The following OSBPL2 variants were observed in gnomAD, a reference collection of about 807,000 sequenced individuals.
OSBPL2 encodes the protein oxysterol-binding protein-related protein 2.
OSBPL2 carries 18 observed loss-of-function variants against 58.4 expected under a neutral mutation model. The ratio of observed to expected loss-of-function variants is 0.31; its 90% CI spans 0.21 to 0.46. The LOEUF (loss-of-function observed/expected upper bound fraction) is 0.46. Ranked by LOEUF, OSBPL2 falls within the 20% of genes least tolerant of loss-of-function variation. The pLI, the probability that OSBPL2 is intolerant of heterozygous loss-of-function variation, is 1.00. For synonymous variants in OSBPL2, 221 were observed against 234.1 expected (o/e 0.94, Z 0.51); for missense variants, 461 against 616.5 (o/e 0.75, Z 2.67).
intron 4 of OSBPL2, among the ~76,000 whole-genome samples, chr20:62,268,049 ATTT>A (rs149417240): frequency 3.4e-5 from 4 of 116,184 alleles, no homozygotes; most frequent in Non-Finnish European, 5.3e-5. Flanking sequence ...TGCCCGGCTA[ATTT>A]TTTTTTTTTT....
At chr20:62,291,985 G>C (rs931251484) in intron 13 of OSBPL2, among the ~76,000 whole-genome samples, 192 bp downstream of exon 13, 2 of 151,008 alleles carry the variant, frequency 1.3e-5, no homozygotes, top group Admixed American at 1.3e-4. Flanking sequence ...GCTCCATTAA[G>C]GTAGTGACAC....
At chr20:62,250,501 C>T (rs984212665) in intron 1 of OSBPL2, among the ~76,000 whole-genome samples, 11 of 152,194 alleles carry the variant, frequency 7.2e-5, no homozygotes, top group African/African-American at 2.4e-4. Context: ...CAGGCGACAT[C>T]GGTGTCTCAG....
At chr20:62,279,802 T>C (rs529646041) in intron 7 of OSBPL2, 119 of 318,614 alleles carry the variant, frequency 3.7e-4, no homozygotes, top group African/African-American at 2.6e-3. Context: ...GCTCCCCTTC[T>C]GGGCTGCTTG....
At chr20:62,280,607 G>A (rs1982716310) in intron 7 of OSBPL2, among the ~76,000 whole-genome samples, 1 of 152,194 alleles carries the variant, frequency 6.6e-6, no homozygotes, top group Admixed American at 6.6e-5. Flanking sequence ...TCTTGGGCAG[G>A]GCCATTTGGG....
Position 62,295,447 on chromosome 20 carries a change from C to T in OSBPL2, c.*1560C>T, listed in dbSNP as rs940219209. ...CGTGTGTCTTGGCGTCCACATCACA[C>T]CTGTGACGGAAGCACTTCTGGAAGT... On this transcript the variant is annotated 3_prime_UTR_variant, in exon 14 of 14. Coordinates refer to ENST00000313733, the MANE Select transcript of OSBPL2 (RefSeq NM_144498.4). The surrounding 1 kb of genome is among the most constrained non-coding windows in gnomAD (Gnocchi z 4.8). The T allele has an allele frequency of 6.6e-6, 1 of 152,184 alleles. No homozygotes were observed. The highest frequency in any genetic ancestry group is 1.5e-5 in the Non-Finnish European group (1 of 68,044). The allele number at this position is 152,184 out of a possible 1,614,324, so 9.4% of individuals were successfully genotyped here.
chr20:62,265,124 G>A (rs1029205797), intron 4 of OSBPL2, among the ~76,000 whole-genome samples: 5 of 152,032 alleles, frequency 3.3e-5, no homozygotes, highest in African/African-American at 1.2e-4. Context: ...TCCATTGGTG[G>A]GTTTTACTGA....
chr20:62,291,474 A>G (rs1601205860), intron 12 of OSBPL2: 3 of 556,090 alleles, frequency 5.4e-6, no homozygotes, highest in Non-Finnish European at 9.9e-6. Flanking sequence ...CACGCAGCAC[A>G]TGCAGCCCCC....
At position 62,281,697 on chromosome 20, in the gene OSBPL2, C is replaced by G. The variant is rs1166357748; in HGVS notation, c.783-93C>G. 3.4e-6 allele frequency: 3 copies of G among 891,188 alleles called. No homozygotes were observed. In the African/African-American group the frequency reaches 4.9e-5, roughly 15 times the overall value. 55.2% of individuals were successfully genotyped at this position (891,188 alleles called of 1,614,324 possible). On this transcript the variant is annotated intron_variant, in intron 8 of 13. Transcript: ENST00000313733. ...ATTTGCAGTCACCCCCCGCCTGCCC[C>G]AGGGGCCTCCACCGCGCTTCTCCTG...
chr20:62,279,836 G>A (rs369724751), intron 7 of OSBPL2: 5 of 549,358 alleles, frequency 9.1e-6, no homozygotes, highest in Non-Finnish European at 1.2e-5. Flanking sequence ...CCTCCCACAG[G>A]GGGAGAGAGC....
rs1289695982 is a variant in OSBPL2 at position 62,256,066 on chromosome 20, G to A, written c.-119G>A. The A allele has an allele frequency of 8.1e-6, 10 of 1,227,806 alleles. No homozygotes were observed. The highest frequency in any genetic ancestry group is 1.1e-5 in the Non-Finnish European group (10 of 878,324). 76.1% of individuals were successfully genotyped at this position (1,227,806 alleles called of 1,614,324 possible). Reference sequence around the variant, plus strand: ...ATTTTTTTCCCTTTAGATCTTCAGTGTCTATTGGATTTTTCCAAGAGAAAG... The same window carrying A: ...ATTTTTTTCCCTTTAGATCTTCAGTATCTATTGGATTTTTCCAAGAGAAAG... On this transcript the variant is annotated 5_prime_UTR_variant, in exon 2 of 14. Transcript: ENST00000313733.
At chr20:62,240,396 C>T (rs984262739) in intron 1 of OSBPL2, among the ~76,000 whole-genome samples, 6 of 152,118 alleles carry the variant, frequency 3.9e-5, no homozygotes, top group African/African-American at 9.7e-5. Flanking sequence ...CCCCAGCAGA[C>T]GATAATATTT....
chr20:62,272,712 A>G (rs910404281), intron 5 of OSBPL2, among the ~76,000 whole-genome samples: 2 of 152,234 alleles, frequency 1.3e-5, no homozygotes, highest in African/African-American at 4.8e-5. Context: ...GAGGCAACAC[A>G]GTGAGACCGC....
At chr20:62,281,529 T>G (rs1982782012) in intron 8 of OSBPL2, 2 of 507,204 alleles carry the variant, frequency 3.9e-6, no homozygotes, top group Non-Finnish European at 7.1e-6. Flanking sequence ...TTTCACCACT[T>G]TAGTGAGGTA....
At chr20:62,250,272 G>T (rs931419770) in intron 1 of OSBPL2, among the ~76,000 whole-genome samples, 3 of 152,190 alleles carry the variant, frequency 2.0e-5, no homozygotes, top group African/African-American at 7.2e-5. Flanking sequence ...ATTTTTCTGG[G>T]CCTTGGTAAG....
At chr20:62,280,533 C>G (rs549316425) in intron 7 of OSBPL2, among the ~76,000 whole-genome samples, 1 of 152,246 alleles carries the variant, frequency 6.6e-6, no homozygotes, top group Non-Finnish European at 1.5e-5. Context: ...CTGTGGCTCC[C>G]CCACGTAGCA....
intron 7 of OSBPL2, chr20:62,280,062 G>T (rs1310053819): frequency 1.5e-6 from 2 of 1,304,160 alleles, no homozygotes; most frequent in Non-Finnish European, 2.0e-6. Context: ...AATGCCGGCC[G>T]CTAAGACCCG....
At position 62,280,048 on chromosome 20, in the gene OSBPL2, A is replaced by G. The variant is rs182026270; in HGVS notation, c.674+709A>G. 31 of 1,304,302 alleles carry G rather than the reference A, an allele frequency of 2.4e-5. No individual in the cohort carries two copies. In the African/African-American group the frequency reaches 3.5e-4, roughly 15 times the overall value. 80.8% of individuals were successfully genotyped at this position (1,304,302 alleles called of 1,614,324 possible). On this transcript the variant is annotated intron_variant, in intron 7 of 13. Transcript: ENST00000313733. ...ACCTCAGAGCAAAACACAAGTCTCC[A>G]ACAAATGCCGGCCGCTAAGACCCGA...
At chr20:62,244,155 G>A (rs959243135) in intron 1 of OSBPL2, among the ~76,000 whole-genome samples, 45 of 152,186 alleles carry the variant, frequency 3.0e-4, no homozygotes, top group African/African-American at 1.1e-3. Context: ...CCTGGGGAAG[G>A]CCGGGAGCCC....
intron 11 of OSBPL2, among the ~76,000 whole-genome samples, chr20:62,287,951 G>A (rs2145976268): frequency 6.6e-6 from 1 of 152,316 alleles, no homozygotes; most frequent in East Asian, 1.9e-4. Flanking sequence ...GGCGGGGCAG[G>A]TGGTTGACTC....
Sources: allele counts gnomAD v4.1 joint callset (sites outside exome capture counted in the v4.1 genomes callset), GRCh38; gene constraint gnomAD v4.1.1; non-coding constraint Gnocchi (gnomAD v3.1); transcripts MANE v1.5; gene names NCBI Gene and HGNC (gene_info 2026-07-23, HGNC 2026-07-21).